The following PYM1 variants were observed in gnomAD, a reference collection of about 807,000 sequenced individuals.
PYM1 encodes PYM1 exon junction complex associated factor.
A neutral mutation model predicts 20.7 loss-of-function variants in PYM1; 7 were observed. The ratio of observed to expected loss-of-function variants is 0.34; its 90% confidence interval spans 0.19 to 0.64. The LOEUF (loss-of-function observed/expected upper bound fraction) is 0.64. Ranked by LOEUF, PYM1 falls within the 30% of genes least tolerant of loss-of-function variation. The pLI, the probability that PYM1 is intolerant of heterozygous loss-of-function variation, is 0.74. For synonymous variants in PYM1, 100 were observed against 99.2 expected (o/e 1.01, Z -0.05); for missense variants, 194 against 250.0 (o/e 0.78, Z 1.51).
intron 1 of PYM1, among the ~76,000 whole-genome samples, chr12:55,907,131 T>G (rs1474700753): frequency 6.6e-6 from 1 of 151,432 alleles, no homozygotes; most frequent in African/African-American, 2.4e-5. Flanking sequence ...TTGTTGTAGC[T>G]CTCTTATTTT....
At chr12:55,906,538 G>T (rs560728689) in intron 1 of PYM1, among the ~76,000 whole-genome samples, 12 of 152,260 alleles carry the variant, frequency 7.9e-5, no homozygotes, top group Non-Finnish European at 1.3e-4. Context: ...ATGATTATGA[G>T]AATAGTTTTG....
At chr12:55,909,521 G>C (rs180992158) in intron 1 of PYM1, among the ~76,000 whole-genome samples, 28 of 151,238 alleles carry the variant, frequency 1.9e-4, no homozygotes, top group Admixed American at 5.3e-4. Context: ...ATAAATGAAT[G>C]AATCCTTTAT....
intron 1 of PYM1, 32 bp downstream of exon 1, chr12:55,927,693 G>A: frequency 6.5e-7 from 1 of 1,539,012 alleles, no homozygotes. Context: ...CGGGAGGGGC[G>A]TGCAAGGCGG....
intron 1 of PYM1, among the ~76,000 whole-genome samples, chr12:55,911,042 T>C (rs117579525): frequency 6.6e-6 from 1 of 152,176 alleles, no homozygotes; most frequent in Non-Finnish European, 1.5e-5. Context: ...AGACTTTTAG[T>C]TAACCTCTTC....
rs1882688677 is a variant in PYM1, at chr12:55,901,625, T to A, written c.*247A>T. The A allele has an allele frequency of 2.1e-6, 1 of 481,450 alleles. No homozygotes were observed. Among genetic ancestry groups the A allele is most frequent in the Admixed American group, 3.7e-5 (1 of 27,100 alleles). 29.8% of individuals were successfully genotyped at this position (481,450 alleles called of 1,614,324 possible). Reference sequence around the variant, plus strand: ...AAGACACCCAAATCAGCAGCAAAGGTACCTGGGGTAGTCACTGAGATTTTG... The same window carrying A: ...AAGACACCCAAATCAGCAGCAAAGGAACCTGGGGTAGTCACTGAGATTTTG... On this transcript the variant is annotated 3_prime_UTR_variant, in exon 3 of 3. Coordinates refer to ENST00000408946, the MANE Select transcript of PYM1 (RefSeq NM_032345.3).
rs750611010 is a variant in PYM1 at position 55,902,235 on chromosome 12, G to A, written c.252C>T (p.Ser84=). 1.2e-6 allele frequency: 2 copies of A among 1,614,156 alleles called. No homozygotes were observed. The highest frequency in any genetic ancestry group is 2.2e-5 in the South Asian group (2 of 91,084). Residue 84 remains serine, a synonymous_variant, in exon 3 of 3, where the codon TCC becomes TCT. Coordinates refer to ENST00000408946, the MANE Select transcript of PYM1 (RefSeq NM_032345.3). ...GCTTCAGGTTACGTTTGGCTGTCTT[G>A]GAGAGGCCTGGTTCACCACCTTCAG... ...SRPEGGEPGL[S]KTAKRNLKRK...
intron 2 of PYM1, 69 bp downstream of exon 2, chr12:55,903,318 G>T: frequency 7.3e-7 from 1 of 1,371,162 alleles, no homozygotes; most frequent in Non-Finnish European, 1.0e-6. Flanking sequence ...GAACTTGTAG[G>T]CATAAGGATA....
At chr12:55,924,497 G>C (rs566264829) in intron 1 of PYM1, among the ~76,000 whole-genome samples, 2 of 152,024 alleles carry the variant, frequency 1.3e-5, no homozygotes, top group South Asian at 4.2e-4. Context: ...AAAAAAGAAA[G>C]AAACAAACAA....
chr12:55,907,127 T>C (rs1592635732), intron 1 of PYM1, among the ~76,000 whole-genome samples: 1 of 151,572 alleles, frequency 6.6e-6, no homozygotes, highest in East Asian at 1.9e-4. Context: ...TGTTTTGTTG[T>C]AGCTCTCTTA....
intron 1 of PYM1, among the ~76,000 whole-genome samples, chr12:55,920,422 G>A (rs903881946): frequency 6.6e-6 from 1 of 152,000 alleles, no homozygotes; most frequent in Non-Finnish European, 1.5e-5. Context: ...GCGATCCTTT[G>A]AGGCCAGGAG....
chr12:55,914,185 T>C, intron 1 of PYM1: 1 of 654,090 alleles, frequency 1.5e-6, no homozygotes, highest in South Asian at 1.7e-5. Context: ...AAAGATAGAC[T>C]GTAATGAAAG....
chr12:55,910,787 A>C (rs1882908736), intron 1 of PYM1, among the ~76,000 whole-genome samples: 1 of 152,226 alleles, frequency 6.6e-6, no homozygotes, highest in South Asian at 2.1e-4. Context: ...AAATACATTT[A>C]AGAAATACAT....
intron 1 of PYM1, among the ~76,000 whole-genome samples, chr12:55,912,932 C>G (rs1882950276): frequency 6.6e-6 from 1 of 151,930 alleles, no homozygotes; most frequent in Non-Finnish European, 1.5e-5. Flanking sequence ...CCATTGCACT[C>G]CAGCCTGGGC....
chr12:55,908,280 A>G (rs901223454), intron 1 of PYM1, among the ~76,000 whole-genome samples: 1 of 151,792 alleles, frequency 6.6e-6, no homozygotes, highest in Non-Finnish European at 1.5e-5. Context: ...AAAATAAAAA[A>G]ATTAGCTGGG....
rs564067043 is a variant in PYM1 at position 55,911,239 on chromosome 12, G to A, written c.38-7759C>T. Among the ~76,000 whole-genome samples, 8 of 152,218 alleles carry A rather than the reference G, an allele frequency of 5.3e-5. No homozygotes were observed. In the South Asian group the frequency reaches 1.5e-3, roughly 28 times the overall value. On this transcript the variant is annotated intron_variant, in intron 1 of 2. Coordinates refer to ENST00000408946, the MANE Select transcript of PYM1 (RefSeq NM_032345.3). Reference sequence around the variant, plus strand: ...TTCTCCTGCCTCAGCCTCCCGAGTAGCTGGGATTACAGATGTGTGCCACCA... The same window carrying A: ...TTCTCCTGCCTCAGCCTCCCGAGTAACTGGGATTACAGATGTGTGCCACCA...
chr12:55,919,354 A>G (rs1883059535), intron 1 of PYM1, among the ~76,000 whole-genome samples: 1 of 151,944 alleles, frequency 6.6e-6, no homozygotes, highest in Non-Finnish European at 1.5e-5. Context: ...AGGTTTTGCC[A>G]TGTTGCCCAG....
chr12:55,927,673 C>A, intron 1 of PYM1, 52 bp downstream of exon 1: 1 of 1,536,356 alleles, frequency 6.5e-7, no homozygotes, highest in South Asian at 1.2e-5. Context: ...ACTCAACCAC[C>A]AGAGACCCGC....
At chr12:55,924,284 T>C (rs1001812207) in intron 1 of PYM1, among the ~76,000 whole-genome samples, 7 of 152,048 alleles carry the variant, frequency 4.6e-5, no homozygotes, top group Admixed American at 1.3e-4. Context: ...CTAGAAATAA[T>C]GACTGCAAAG....
intron 1 of PYM1, among the ~76,000 whole-genome samples, chr12:55,906,313 T>C (rs1882816255): frequency 6.6e-6 from 1 of 152,134 alleles, no homozygotes. Context: ...GGGCTGGGCT[T>C]AATACAATTA....
Sources: gnomAD v4.1 joint callset for allele counts (sites outside exome capture counted in the v4.1 genomes callset) on GRCh38, gnomAD v4.1.1 for gene constraint, MANE v1.5 for transcripts, NCBI Gene and HGNC (gene_info 2026-07-23, HGNC 2026-07-21) for gene names.